ZMIZ1: variants seen among roughly 807,000 people sequenced by gnomAD.
ZMIZ1 encodes zinc finger MIZ-type containing 1.
A neutral mutation model predicts 113.9 loss-of-function variants in ZMIZ1; 17 were observed. The ratio of observed to expected loss-of-function variants is 0.15; its 90% CI spans 0.10 to 0.22. The LOEUF (loss-of-function observed/expected upper bound fraction) is 0.22, where lower values mean the gene tolerates loss of function less well. ZMIZ1 is among the 10% of genes least tolerant of loss of function. ZMIZ1 has a pLI of 1.00. For synonymous variants in ZMIZ1, 607 were observed against 603.1 expected, an observed-to-expected ratio of 1.01 and a Z score of -0.09; for missense variants, 1,059 against 1,477.8, an observed-to-expected ratio of 0.72 and a Z score of 4.65.
intron 7 of ZMIZ1, among the ~76,000 whole-genome samples, chr10:79,263,715 C>T (rs1174269305): frequency 6.6e-6 from 1 of 151,950 alleles, no homozygotes; most frequent in Non-Finnish European, 1.5e-5. Context: ...GAATTGGACA[C>T]TAAGGGTTGA....
chr10:79,303,956 C>A (rs954868788), intron 18 of ZMIZ1, 59 bp from the exon 19 acceptor site: 1 of 1,604,904 alleles, frequency 6.2e-7, no homozygotes, highest in African/African-American at 1.3e-5. Flanking sequence ...ACGTGCAGAC[C>A]CCCTACCTCT....
intron 7 of ZMIZ1, among the ~76,000 whole-genome samples, chr10:79,231,306 G>A (rs1849384286): frequency 6.6e-6 from 1 of 152,246 alleles, no homozygotes. Flanking sequence ...GGAGTGCAAT[G>A]GCGCGATCTC....
intron 10 of ZMIZ1, among the ~76,000 whole-genome samples, chr10:79,291,658 T>C (rs1445655258): frequency 3.3e-5 from 5 of 152,192 alleles, no homozygotes; most frequent in African/African-American, 1.2e-4. Flanking sequence ...TCCCAGGATA[T>C]GGAGCTCTGG....
intron 4 of ZMIZ1, among the ~76,000 whole-genome samples, chr10:79,193,658 T>C (rs1847702406): frequency 1.3e-5 from 2 of 152,066 alleles, no homozygotes; most frequent in South Asian, 4.1e-4. Context: ...CTAGTGCTGC[T>C]ACGATGGGGG....
rs369519169 is a variant in ZMIZ1, at chr10:79,304,352, C to G, written c.2286+177C>G. Among the ~76,000 whole-genome samples the G allele has an allele frequency of 1.3e-4, 20 of 152,374 alleles. No individual in the cohort carries two copies. In the East Asian group the frequency reaches 1.5e-3, roughly 12 times the overall value. ...CATCATTTATCTTTGAGCATCTTTTCTGTGTGCTTAAGGCCAAAGGGGCTA... is the reference window on the plus strand; with the variant it reads ...CATCATTTATCTTTGAGCATCTTTTGTGTGTGCTTAAGGCCAAAGGGGCTA... On this transcript the variant is annotated intron_variant, in intron 19 of 24. Transcript: ENST00000334512.
intron 7 of ZMIZ1, among the ~76,000 whole-genome samples, chr10:79,271,646 C>T (rs920037495): frequency 1.3e-5 from 2 of 152,184 alleles, no homozygotes; most frequent in Non-Finnish European, 2.9e-5. Context: ...CACTAATTTA[C>T]ACCCCATATC....
chr10:79,149,203 G>T (rs1047360115), intron 3 of ZMIZ1, among the ~76,000 whole-genome samples: 2 of 152,202 alleles, frequency 1.3e-5, no homozygotes, highest in African/African-American at 4.8e-5. Flanking sequence ...TGGGCCCCAG[G>T]CAGGCCCACA....
At position 79,261,994 on chromosome 10, in the gene ZMIZ1, T is replaced by C. The variant is rs144723821; in HGVS notation, c.281-15187T>C. ...GGGAGAGAGAGCTCAGGGTCAAATC[T>C]CCAGAGCTTTGAATGCAAAGGTCAG... On this transcript the variant is annotated intron_variant, in intron 7 of 24. Coordinates refer to ENST00000334512, the MANE Select transcript of ZMIZ1 (RefSeq NM_020338.4). 2.1e-3 allele frequency among the ~76,000 whole-genome samples: 324 copies of C among 152,288 alleles called. 1 individual carries two copies. The highest frequency in any genetic ancestry group is 7.4e-3 in the African/African-American group (308 of 41,554).
chr10:79,229,229 G>GC (rs1367703184), intron 7 of ZMIZ1, among the ~76,000 whole-genome samples: 1 of 152,254 alleles, frequency 6.6e-6, no homozygotes, highest in African/African-American at 2.4e-5. Context: ...TGGAAGCTCT[G>GC]CAAGGTGGTA....
rs1275165394 is a variant in ZMIZ1, at chr10:79,307,385, C to A, written c.2669-20C>A. 1 of 1,610,138 alleles carries A rather than the reference C, an allele frequency of 6.2e-7. No homozygotes were observed. Among genetic ancestry groups the A allele is most frequent in the East Asian group, 2.2e-5 (1 of 44,708 alleles). On this transcript the variant is annotated intron_variant, in intron 22 of 24. Coordinates refer to ENST00000334512, the MANE Select transcript of ZMIZ1 (RefSeq NM_020338.4). The stretch of plus-strand genomic sequence containing the variant: ...TCCCTCTGGGTGACCCCCTCCCCTC[C>A]CCATCTCATCCCTTCCTAGGCAACA...
intron 2 of ZMIZ1, among the ~76,000 whole-genome samples, chr10:79,134,656 G>A (rs1389247510): frequency 6.6e-6 from 1 of 152,094 alleles, no homozygotes; most frequent in Non-Finnish European, 1.5e-5. Flanking sequence ...TGCACCCTGT[G>A]GGCTATCCGG....
At chr10:79,115,281 G>A (rs1259875652) in intron 1 of ZMIZ1, among the ~76,000 whole-genome samples, 1 of 152,186 alleles carries the variant, frequency 6.6e-6, no homozygotes, top group Non-Finnish European at 1.5e-5. Context: ...TTGTGGGCTT[G>A]GAGTTCTCTC....
chr10:79,166,302 A>C (rs1846346220), intron 4 of ZMIZ1, among the ~76,000 whole-genome samples: 1 of 152,212 alleles, frequency 6.6e-6, no homozygotes, highest in African/African-American at 2.4e-5. Flanking sequence ...GGCTCTGCAC[A>C]ACAGAGGCCT....
chr10:79,173,864 C>G (rs1846706705), intron 4 of ZMIZ1, among the ~76,000 whole-genome samples: 1 of 152,158 alleles, frequency 6.6e-6, no homozygotes, highest in South Asian at 2.1e-4. Flanking sequence ...GAACGCGGCT[C>G]CATCTAACTT....
At chr10:79,088,543 T>G (rs906397651) in intron 1 of ZMIZ1, among the ~76,000 whole-genome samples, 1 of 152,112 alleles carries the variant, frequency 6.6e-6, no homozygotes, top group African/African-American at 2.4e-5. Context: ...GAGTTGCCAG[T>G]GAGAGGGTGA....
intron 7 of ZMIZ1, among the ~76,000 whole-genome samples, chr10:79,222,608 G>A (rs948201474): frequency 1.3e-5 from 2 of 152,182 alleles, no homozygotes; most frequent in African/African-American, 4.8e-5. Flanking sequence ...ACAAGAGGGG[G>A]GCTGAGACAT....
rs547595786 is a variant in ZMIZ1, at chr10:79,124,508, A to G, written c.-227+5484A>G. Among the ~76,000 whole-genome samples, 35 of 152,344 alleles carry G rather than the reference A, an allele frequency of 2.3e-4. No individual in the cohort carries two copies. The East Asian group carries it at 6.4e-3, about 28-fold the overall frequency. On this transcript the variant is annotated intron_variant, in intron 2 of 24. Coordinates refer to ENST00000334512, the MANE Select transcript of ZMIZ1 (RefSeq NM_020338.4). Reference sequence around the variant, plus strand: ...TGCTGGGTGATCCATTTTGTCCATCAGCCAGCTTGGTGTTGAACACTTCCT... The same window carrying G: ...TGCTGGGTGATCCATTTTGTCCATCGGCCAGCTTGGTGTTGAACACTTCCT...
At chr10:79,200,525 C>A (rs1848030860) in intron 4 of ZMIZ1, among the ~76,000 whole-genome samples, 1 of 152,220 alleles carries the variant, frequency 6.6e-6, no homozygotes, top group African/African-American at 2.4e-5. Flanking sequence ...AAGGGTGAGC[C>A]TAGTGCCAAG....
Position 79,208,318 on chromosome 10 carries a change from C to T in ZMIZ1, c.61-18C>T, listed in dbSNP as rs1848413705. 1 of 1,612,930 alleles carries T rather than the reference C, an allele frequency of 6.2e-7. No individual in the cohort carries two copies. Among genetic ancestry groups the T allele is most frequent in the Non-Finnish European group, 8.5e-7 (1 of 1,178,932 alleles). On this transcript the variant is annotated intron_variant, in intron 5 of 24. Coordinates refer to ENST00000334512, the MANE Select transcript of ZMIZ1 (RefSeq NM_020338.4). Reference sequence around the variant, plus strand: ...CTCACTCTTGGAGCCTCAGCCGCCTCCTTTTCCTTTCCCACAGCACTTACA... The same window carrying T: ...CTCACTCTTGGAGCCTCAGCCGCCTTCTTTTCCTTTCCCACAGCACTTACA...
Sources: gnomAD v4.1 joint callset for allele counts (sites outside exome capture counted in the v4.1 genomes callset) on GRCh38, gnomAD v4.1.1 for gene constraint, MANE v1.5 for transcripts, NCBI Gene and HGNC (gene_info 2026-07-23, HGNC 2026-07-21) for gene names.